ARFGEF1: variants seen among roughly 807,000 people sequenced by gnomAD.
The protein encoded by ARFGEF1 is ARF guanine nucleotide exchange factor 1, also known as brefeldin A-inhibited guanine nucleotide-exchange protein 1.
In ARFGEF1, 42 loss-of-function variants were observed where a neutral mutation model predicts 231.0. The observed-to-expected ratio is 0.18, with a 90% confidence interval of 0.14 to 0.24. The LOEUF (loss-of-function observed/expected upper bound fraction) is 0.24. Ranked by LOEUF, ARFGEF1 falls within the 10% of genes least tolerant of loss-of-function variation. ARFGEF1 has a pLI of 1.00. For missense variants in ARFGEF1, 1,345 were observed against 2,192.0 expected (o/e 0.61, Z 7.72); for synonymous variants, 710 against 732.3 (o/e 0.97, Z 0.49).
At chr8:67,222,268 T>TATGTATGC (rs1839222708) in intron 29 of ARFGEF1, among the ~76,000 whole-genome samples, 2 of 126,156 alleles carry the variant, frequency 1.6e-5, no homozygotes, top group African/African-American at 3.0e-5. Context: ...TGTATGTATG[T>TATGTATGC]ATTTTTTTTT....
At chr8:67,174,767 GAAAA>G, downstream of ARFGEF1, 3 of 97,394 alleles carry the variant, frequency 3.1e-5, no homozygotes, top group Non-Finnish European at 6.7e-5. Flanking sequence ...TCCGTCTCAA[GAAAA>G]AAAAAAAAAA....
intron 7 of ARFGEF1, among the ~76,000 whole-genome samples, chr8:67,282,717 G>T (rs946390064): frequency 1.4e-4 from 22 of 151,846 alleles, no homozygotes; most frequent in African/African-American, 5.3e-4. Flanking sequence ...GCATGGTGGT[G>T]TGCACCTGTA....
intron 5 of ARFGEF1, among the ~76,000 whole-genome samples, chr8:67,192,068 T>G (rs1488147409): frequency 2.1e-5 from 3 of 144,316 alleles, no homozygotes; most frequent in Non-Finnish European, 4.5e-5. Context: ...GCTGATTTGT[T>G]TTTTTTTTTG....
intron 29 of ARFGEF1, among the ~76,000 whole-genome samples, chr8:67,221,780 G>T (rs1488230974): frequency 6.6e-6 from 1 of 151,448 alleles, no homozygotes; most frequent in Non-Finnish European, 1.5e-5. Context: ...GTCATGGTAA[G>T]TGCCCTATAT....
In ARFGEF1 at chr8:67,301,266, G is replaced by A; in HGVS notation, c.270C>T (p.Ser90=). The change falls in exon 3 of 39, where the codon TCC becomes TCT. Residue 90 remains serine, a synonymous_variant. Transcript: ENST00000262215. The part of the protein sequence containing the change: ...YFLPFELACQ[S]KCPRIVSTSL... ...ATGTACTAACTATGCGAGGACATTTGGACTGGCATGCCAACTCAAAAGGCA... is the reference window on the plus strand; with the variant it reads ...ATGTACTAACTATGCGAGGACATTTAGACTGGCATGCCAACTCAAAAGGCA... 6.2e-7 allele frequency: 1 copy of A among 1,613,806 alleles called. No homozygotes were observed. The highest frequency in any genetic ancestry group is 8.5e-7 in the Non-Finnish European group (1 of 1,179,940).
chr8:67,334,872 G>C (rs890507086), intron 1 of ARFGEF1, among the ~76,000 whole-genome samples: 2 of 152,104 alleles, frequency 1.3e-5, no homozygotes, highest in Admixed American at 1.3e-4. Flanking sequence ...AAATAGATTA[G>C]TGAATGCCAG....
chr8:67,194,193 T>C (rs1837227719), downstream of ARFGEF1, among the ~76,000 whole-genome samples: 1 of 152,198 alleles, frequency 6.6e-6, no homozygotes, highest in Admixed American at 6.5e-5. Flanking sequence ...TCTATACCAG[T>C]GCTATTAGTC....
downstream of ARFGEF1, among the ~76,000 whole-genome samples, chr8:67,194,995 A>G (rs1266336277): frequency 6.6e-6 from 1 of 152,090 alleles, no homozygotes; most frequent in Non-Finnish European, 1.5e-5. Flanking sequence ...AAAAAGAAAA[A>G]AGAAAGAAAT....
chr8:67,314,252 C>A (rs1807204326), intron 1 of ARFGEF1, among the ~76,000 whole-genome samples: 1 of 152,196 alleles, frequency 6.6e-6, no homozygotes, highest in African/African-American at 2.4e-5. Flanking sequence ...CTACAAGCCG[C>A]AGATGGATTC....
chr8:67,288,204 A>G (rs1276753933), intron 6 of ARFGEF1, 139 bp from the exon 7 acceptor site: 1 of 502,078 alleles, frequency 2.0e-6, no homozygotes, highest in African/African-American at 2.0e-5. Flanking sequence ...ATTAGAAGCA[A>G]TTATATGCTA....
rs767734243 is a variant in ARFGEF1, at chr8:67,287,920, G to A, written c.1027+35C>T. The A allele has an allele frequency of 7.6e-6, 11 of 1,440,694 alleles. No homozygotes were observed. In the African/African-American group the frequency reaches 1.0e-4, roughly 13 times the overall value. The allele number at this position is 1,440,694 out of a possible 1,614,324, so 89.2% of individuals were successfully genotyped here. On this transcript the variant is annotated intron_variant, in intron 7 of 38. Coordinates refer to ENST00000262215, the MANE Select transcript of ARFGEF1 (RefSeq NM_006421.5). ...CTCCACAGTCAGATGAAATCCCATA[G>A]ACAGAGTAAAATAATTTTGAATGAA... is the stretch of plus-strand genomic sequence containing the variant.
chr8:67,216,514 T>G, intron 33 of ARFGEF1, 76 bp downstream of exon 33: 1 of 1,277,958 alleles, frequency 7.8e-7, no homozygotes, highest in Non-Finnish European at 1.1e-6. Context: ...GACAATTACA[T>G]GTAAGAATTT....
intron 17 of ARFGEF1, among the ~76,000 whole-genome samples, chr8:67,256,292 A>G (rs899576113): frequency 3.3e-5 from 5 of 152,194 alleles, no homozygotes; most frequent in Admixed American, 3.3e-4. Flanking sequence ...AAATTCTTTA[A>G]TAAATTTTTA....
chr8:67,222,457 T>C (rs1252813925), intron 29 of ARFGEF1, among the ~76,000 whole-genome samples: 1 of 151,266 alleles, frequency 6.6e-6, no homozygotes, highest in Non-Finnish European at 1.5e-5. Flanking sequence ...TTTTTTAATT[T>C]TTATTTTTAT....
At chr8:67,184,881 C>T (rs1430187740) in intron 5 of ARFGEF1, among the ~76,000 whole-genome samples, 3 of 137,546 alleles carry the variant, frequency 2.2e-5, no homozygotes, top group African/African-American at 5.3e-5. Flanking sequence ...GGGCGGATCA[C>T]AAGGTCAGGA....
intron 35 of ARFGEF1, among the ~76,000 whole-genome samples, chr8:67,204,058 C>T: frequency 6.6e-6 from 1 of 152,196 alleles, no homozygotes; most frequent in East Asian, 1.9e-4. Context: ...GCTGCCATAT[C>T]ACCAATCTGG....
chr8:67,339,060 T>C (rs1808478045), intron 1 of ARFGEF1, among the ~76,000 whole-genome samples: 1 of 152,206 alleles, frequency 6.6e-6, no homozygotes, highest in South Asian at 2.1e-4. Context: ...AAGCAAGTTC[T>C]GAAAAGTTTG....
chr8:67,231,947 C>G (rs1467010561), intron 23 of ARFGEF1, among the ~76,000 whole-genome samples: 1 of 151,490 alleles, frequency 6.6e-6, no homozygotes, highest in Non-Finnish European at 1.5e-5. Context: ...AAAAAATAGG[C>G]AAATGACTCT....
Position 67,277,103 on chromosome 8 carries a change from G to GA in ARFGEF1, c.1203+178dup, listed in dbSNP as rs534996616. On this transcript the variant is annotated intron_variant, in intron 8 of 38. Transcript: ENST00000262215. ...AATGTAACTATCAAAATATGAAGGG[G>GA]AAAAAATCGCTGTAATTTATATAAA... Among the ~76,000 whole-genome samples the GA allele has an allele frequency of 1.7e-3, 251 of 151,940 alleles. 1 individual carries two copies. Among genetic ancestry groups the GA allele is most frequent in the Non-Finnish European group, 3.1e-3 (211 of 67,942 alleles).
Sources: allele counts gnomAD v4.1 joint callset (sites outside exome capture counted in the v4.1 genomes callset), GRCh38; gene constraint gnomAD v4.1.1; transcripts MANE v1.5; gene names NCBI Gene and HGNC (gene_info 2026-07-23, HGNC 2026-07-21).